The following GPT variants were observed in gnomAD, a reference collection of about 807,000 sequenced individuals.
GPT encodes the protein alanine aminotransferase 1.
In GPT, 60 loss-of-function variants were observed where a neutral mutation model predicts 51.4. The ratio of observed to expected loss-of-function variants is 1.17; its 90% confidence interval spans 0.95 to 1.45. The LOEUF (loss-of-function observed/expected upper bound fraction) is 1.45, where lower values mean the gene tolerates loss of function less well. Ranked by LOEUF, GPT falls within the 40% of genes most tolerant of loss-of-function variation. The pLI, the probability that GPT is intolerant of heterozygous loss-of-function variation, is 0.00. For synonymous variants in GPT, 397 were observed against 303.1 expected, an observed-to-expected ratio of 1.31 and a Z score of -3.22; for missense variants, 853 against 704.0, an observed-to-expected ratio of 1.21 and a Z score of -2.40.
chr8:144,506,932 G>C lies in GPT; in HGVS notation c.1423G>C (p.Glu475Gln), dbSNP rs982065069. 6.2e-7 allele frequency: 1 copy of C among 1,612,956 alleles called. No individual in the cohort carries two copies. The highest frequency in any genetic ancestry group is 8.5e-7 in the Non-Finnish European group (1 of 1,179,976). ...HFRMTILPPL[E>Q]KLRLLLEKLS... ...CAGGATGACCATTCTGCCCCCCTTG[G>C]AGAAACTGCGGCTGCTGCTGGAGAA... The change falls in exon 11 of 11, where the codon GAG becomes CAG. Residue 475 changes from glutamate to glutamine, a missense_variant. By Grantham distance (29) the Glu-to-Gln change is conservative (BLOSUM62 2). Transcript: ENST00000394955. The surrounding 1 kb of genome is among the most constrained non-coding windows in gnomAD (Gnocchi z 7.0).
upstream of GPT, among the ~76,000 whole-genome samples, chr8:144,503,491 C>A (rs890992178): frequency 6.6e-6 from 1 of 152,136 alleles, no homozygotes; most frequent in African/African-American, 2.4e-5. Context: ...ACAGCAGCCA[C>A]GGTGTGAGCT....
rs562794201 is a variant in GPT at position 144,504,461 on chromosome 8, C to T, written c.157C>T (p.Arg53Cys). The change falls in exon 1 of 11, where the codon CGC becomes TGC. Residue 53 changes from arginine (R) to cysteine (C), a missense_variant. Coordinates refer to ENST00000394955, the MANE Select transcript of GPT (RefSeq NM_005309.3). ...QRALELEQEL[R>C]QGVKKPFTEV... ...AGCCTTGGAGCTGGAGCAGGAGCTG[C>T]GCCAGGTATGGCCCAGGGCCCCTCG... The T allele has an allele frequency of 9.3e-6, 15 of 1,609,490 alleles. No homozygotes were observed. The highest frequency in any genetic ancestry group is 6.7e-5 in the African/African-American group (5 of 75,040).
rs749959135 is a variant in GPT at position 144,506,235 on chromosome 8, C to T, written c.960C>T (p.Cys320=). 2 of 1,606,390 alleles carry T rather than the reference C, an allele frequency of 1.2e-6. No homozygotes were observed. Among genetic ancestry groups the T allele is most frequent in the East Asian group, 2.2e-5 (1 of 44,764 alleles). Residue 320 remains cysteine, a synonymous_variant, in exon 8 of 11, where the codon TGC becomes TGT. Transcript: ENST00000394955. The surrounding 1 kb of genome is among the most constrained non-coding windows in gnomAD (Gnocchi z 7.0). ...CACCTGACCTGGCCGTGCGCAGGTG[C>T]GGGTTCCGCGGCGGCTATGTGGAGG... ...HSTSKGYMGE[C]GFRGGYVEVV...
Position 144,506,236 on chromosome 8 carries a change from G to C in GPT, c.961G>C (p.Gly321Arg), listed in dbSNP as rs755684251. 6.2e-7 allele frequency: 1 copy of C among 1,606,918 alleles called. No individual in the cohort carries two copies. The highest frequency in any genetic ancestry group is 8.5e-7 in the Non-Finnish European group (1 of 1,178,810). Residue 321 changes from glycine to arginine, a missense_variant, in exon 8 of 11, where the codon GGG becomes CGG. Gly to Arg is a moderately radical substitution (Grantham distance 125, BLOSUM62 -2). Transcript: ENST00000394955. This position sits in a 1 kb window ranked among gnomAD's most constrained non-coding sequence, Gnocchi z 7.0. ...STSKGYMGEC[G>R]FRGGYVEVVN... The stretch of plus-strand genomic sequence containing the variant: ...ACCTGACCTGGCCGTGCGCAGGTGC[G>C]GGTTCCGCGGCGGCTATGTGGAGGT...
At chr8:144,504,514 C>A (rs375274571) in intron 1 of GPT, 48 bp downstream of exon 1, 2 of 1,608,100 alleles carry the variant, frequency 1.2e-6, no homozygotes, top group Non-Finnish European at 1.7e-6. Context: ...ATGGGGTGGC[C>A]GAGTTGGCCC....
Position 144,507,097 on chromosome 8 carries a change from GGGGT to G in GPT, c.*101_*104del. On this transcript the variant is annotated 3_prime_UTR_variant, in exon 11 of 11. Coordinates refer to ENST00000394955, the MANE Select transcript of GPT (RefSeq NM_005309.3). ...ACTGTACTTGCTCTTGATGCCTGGCGGGGTGGGGTGGGGGGGGTGCTGGGCCCCT... is the reference window on the plus strand; with the variant it reads ...ACTGTACTTGCTCTTGATGCCTGGCGGGGGTGGGGGGGGTGCTGGGCCCCT... 6.9e-6 allele frequency: 5 copies of G among 724,870 alleles called. No individual in the cohort carries two copies. The highest frequency in any genetic ancestry group is 2.7e-5 in the East Asian group (1 of 36,938). The allele number at this position is 724,870 out of a possible 1,614,324, so 44.9% of individuals were successfully genotyped here.
chr8:144,507,082 C>T lies in GPT; in HGVS notation c.*82C>T. 6.6e-6 allele frequency: 3 copies of T among 454,290 alleles called. No individual in the cohort carries two copies. The highest frequency in any genetic ancestry group is 1.5e-4 in the East Asian group (2 of 13,292). The allele number at this position is 454,290 out of a possible 1,614,324, so 28.1% of individuals were successfully genotyped here. ...GAGGCTCTGGAGCCCACTGTACTTGCTCTTGATGCCTGGCGGGGTGGGGTG... is the reference window on the plus strand; with the variant it reads ...GAGGCTCTGGAGCCCACTGTACTTGTTCTTGATGCCTGGCGGGGTGGGGTG... On this transcript the variant is annotated 3_prime_UTR_variant, in exon 11 of 11. Transcript: ENST00000394955.
rs767936601 is a variant in GPT, at chr8:144,505,335, G to A, written c.585G>A (p.Thr195=). 5 of 1,570,942 alleles carry A rather than the reference G, an allele frequency of 3.2e-6. No individual in the cohort carries two copies. The South Asian group carries it at 4.6e-5, about 15-fold the overall frequency. Residue 195 remains threonine, a synonymous_variant, in exon 5 of 11, where the codon ACG becomes ACA. Transcript: ENST00000394955. ...PIPQYPLYSA[T]LAELGAVQVD... is the part of the protein sequence containing the mutation. ...CCCAGTACCCACTCTACTCGGCCAC[G>A]CTGGCAGAGCTGGGCGCAGTGCAGG...
chr8:144,506,543 C>G lies in GPT; in HGVS notation c.1174C>G (p.Leu392Val). The G allele has an allele frequency of 6.3e-7, 1 of 1,593,240 alleles. No individual in the cohort carries two copies. The highest frequency in any genetic ancestry group is 1.3e-5 in the African/African-American group (1 of 74,874). The part of the protein sequence containing the change: ...VLAELAAKAK[L>V]TEQVFNEAPG... ...GGCAGAGCTGGCGGCCAAGGCCAAG[C>G]TCACCGAGCAGGTCTTCAATGAGGC... Residue 392 changes from leucine to valine, a missense_variant, in exon 9 of 11, where the codon CTC becomes GTC. Transcript: ENST00000394955. The surrounding 1 kb of genome is among the most constrained non-coding windows in gnomAD (Gnocchi z 7.0).
upstream of GPT, chr8:144,503,725 C>T (rs1243533559): frequency 1.3e-5 from 2 of 157,854 alleles, no homozygotes; most frequent in Non-Finnish European, 2.8e-5. Flanking sequence ...GACAGGTCCG[C>T]TGGCCCAAGC....
chr8:144,505,853 G>A lies in GPT; in HGVS notation c.745G>A (p.Val249Met), dbSNP rs756037936. The change falls in exon 6 of 11, where the codon GTG becomes ATG. Residue 249 changes from valine (V) to methionine (M), a missense_variant. Physicochemically the swap from Val to Met is conservative, Grantham distance 21 (BLOSUM62 1). Transcript: ENST00000394955. ...VINPGNPTGQ[V>M]QTRECIEAVI... ...CTGCCTCCCCGGCACCCCAGGGCAG[G>A]TGCAGACCCGCGAGTGCATCGAGGC... The A allele has an allele frequency of 6.5e-7, 1 of 1,549,010 alleles. No homozygotes were observed. The highest frequency in any genetic ancestry group is 1.2e-5 in the South Asian group (1 of 84,880).
In GPT at chr8:144,504,812, C is replaced by T. The variant is rs759979846; in HGVS notation, c.294C>T (p.Pro98=). ...LCVNPDLLSS[P]NFPDDAKKRA... ...TTAACCCTGATCTTCTGAGCAGCCC[C>T]AACTTCCCTGACGATGCCAAGAAAA... The change falls in exon 3 of 11, where the codon CCC becomes CCT. Residue 98 remains proline (P), a synonymous_variant. Transcript: ENST00000394955. 3 of 1,613,648 alleles carry T rather than the reference C, an allele frequency of 1.9e-6. No homozygotes were observed. The highest frequency in any genetic ancestry group is 2.7e-5 in the African/African-American group (2 of 74,952).
At position 144,506,991 on chromosome 8, in the gene GPT, G is replaced by C. The variant is rs1191091150; in HGVS notation, c.1482G>C (p.Glu494Asp). ...LSRFHAKFTLEYS is the reference protein window; with the variant it reads ...LSRFHAKFTLDYS Reference sequence around the variant, plus strand: ...GGTTCCATGCCAAGTTCACCCTCGAGTACTCCTGAGCACCCCAGCTGGGGC... The same window carrying C: ...GGTTCCATGCCAAGTTCACCCTCGACTACTCCTGAGCACCCCAGCTGGGGC... The change falls in exon 11 of 11, where the codon GAG becomes GAC. Residue 494 changes from glutamate (E) to aspartate (D), a missense_variant. Transcript: ENST00000394955. This position sits in a 1 kb window ranked among gnomAD's most constrained non-coding sequence, Gnocchi z 7.0. 2 of 1,610,758 alleles carry C rather than the reference G, an allele frequency of 1.2e-6. No individual in the cohort carries two copies. Among genetic ancestry groups the C allele is most frequent in the African/African-American group, 2.7e-5 (2 of 74,696 alleles).
chr8:144,505,963 G>C, intron 6 of GPT, 32 bp from the exon 7 acceptor site: 2 of 1,612,134 alleles, frequency 1.2e-6, no homozygotes, highest in Non-Finnish European at 1.7e-6. Flanking sequence ...CCGGGCAACA[G>C]TCCGCCCCCG....
In GPT at chr8:144,504,217, G is replaced by T; in HGVS notation, c.-88G>T. ...CTACGGCTGCCCCCTCCCAGCCCTG[G>T]CCCACTAAGCCAGACCCAGCTGTCG... On this transcript the variant is annotated 5_prime_UTR_variant, in exon 1 of 11. Transcript: ENST00000394955. 1 of 1,432,944 alleles carries T rather than the reference G, an allele frequency of 7.0e-7. No individual in the cohort carries two copies. Among genetic ancestry groups the T allele is most frequent in the South Asian group, 1.2e-5 (1 of 82,998 alleles). The allele number at this position is 1,432,944 out of a possible 1,614,324, so 88.8% of individuals were successfully genotyped here.
chr8:144,503,276 C>T (rs902596656), upstream of GPT, among the ~76,000 whole-genome samples: 3 of 152,154 alleles, frequency 2.0e-5, no homozygotes, highest in Non-Finnish European at 2.9e-5. Context: ...GTTCAGGTTT[C>T]GGTGCCCGAC....
At chr8:144,504,118 T>C, upstream of GPT, 1 of 667,734 alleles carries the variant, frequency 1.5e-6, no homozygotes, top group Non-Finnish European at 2.7e-6. Context: ...CCCCAGCTCC[T>C]TCAGCCCTTT....
upstream of GPT, chr8:144,503,977 C>T (rs898358919): frequency 1.6e-4 from 68 of 436,386 alleles, no homozygotes; most frequent in Non-Finnish European, 2.7e-4. Context: ...ATGTGGGTCT[C>T]CTGCTCTCCC....
chr8:144,505,556 ACT>A (rs1234382871), intron 5 of GPT, 67 bp downstream of exon 5: 2 of 981,888 alleles, frequency 2.0e-6, no homozygotes, highest in African/African-American at 7.6e-5. Flanking sequence ...GCCCCGCCCC[ACT>A]CCCCCCGCGC....
Sources: gnomAD v4.1 joint callset for allele counts (sites outside exome capture counted in the v4.1 genomes callset) on GRCh38, gnomAD v4.1.1 for gene constraint, Gnocchi (gnomAD v3.1) non-coding constraint, MANE v1.5 for transcripts, NCBI Gene and HGNC (gene_info 2026-07-23, HGNC 2026-07-21) for gene names.